ZZZ3: variants seen among roughly 807,000 people sequenced by gnomAD.
ZZZ3 encodes ZZ-type zinc finger-containing protein 3.
Under a neutral mutation model 95.2 loss-of-function variants are expected in ZZZ3, and 22 were observed. That is an observed-to-expected ratio of 0.23 (90% CI 0.17 to 0.33). The LOEUF is 0.33. Among genes scored for constraint, ZZZ3 ranks in the 10% least tolerant of loss-of-function variants. The probability of loss-of-function intolerance (pLI) is 1.00; values close to 1 mark genes in which losing one functional copy is unlikely to be tolerated. For synonymous variants in ZZZ3, 335 were observed against 358.9 expected (o/e 0.93, Z 0.75); for missense variants, 885 against 1,066.5 (o/e 0.83, Z 2.37).
At chr1:77,651,684 G>A (rs1249343708) in intron 1 of ZZZ3, among the ~76,000 whole-genome samples, 1 of 152,170 alleles carries the variant, frequency 6.6e-6, no homozygotes, top group Non-Finnish European at 1.5e-5. Flanking sequence ...CACACAATGT[G>A]AGACTATATT....
chr1:77,642,248 C>A (rs1039782291), intron 1 of ZZZ3, among the ~76,000 whole-genome samples: 13 of 152,126 alleles, frequency 8.5e-5, no homozygotes, highest in Non-Finnish European at 1.6e-4. Flanking sequence ...AGAAATAGAT[C>A]TACACACTTA....
chr1:77,630,779 T>C (rs915586736), intron 5 of ZZZ3, among the ~76,000 whole-genome samples: 7 of 152,138 alleles, frequency 4.6e-5, no homozygotes, highest in Admixed American at 3.3e-4. Flanking sequence ...AAATCTACAC[T>C]ATCTACAATG....
At chr1:77,576,035 G>T (rs188149808) in intron 12 of ZZZ3, 33 bp downstream of exon 12, 124 of 1,542,428 alleles carry the variant, frequency 8.0e-5, no homozygotes, top group Admixed American at 7.3e-4. Flanking sequence ...TCTATACCTT[G>T]ATGTATATAA....
chr1:77,629,433 C>T (rs1188632656), intron 5 of ZZZ3, among the ~76,000 whole-genome samples: 1 of 152,174 alleles, frequency 6.6e-6, no homozygotes, highest in Admixed American at 6.5e-5. Flanking sequence ...GCCTGGACAA[C>T]ATGGCGAACC....
At chr1:77,567,473 G>A (rs1233340960) in intron 13 of ZZZ3, among the ~76,000 whole-genome samples, 2 of 152,050 alleles carry the variant, frequency 1.3e-5, no homozygotes, top group African/African-American at 2.4e-5. Flanking sequence ...TTTCCAAAAC[G>A]TAAATGTCAT....
intron 5 of ZZZ3, 150 bp downstream of exon 5, chr1:77,631,700 G>C (rs1667827896): frequency 3.4e-6 from 2 of 592,644 alleles, no homozygotes; most frequent in Non-Finnish European, 2.8e-6. Flanking sequence ...TTTTTTTGGA[G>C]TTTTTCTAAG....
At chr1:77,617,729 A>C (rs1666448107) in intron 5 of ZZZ3, among the ~76,000 whole-genome samples, 1 of 151,238 alleles carries the variant, frequency 6.6e-6, no homozygotes, top group Admixed American at 6.6e-5. Flanking sequence ...ATTTGAGGTC[A>C]GGCATTGGAG....
chr1:77,668,038 A>G (rs1671406064), intron 1 of ZZZ3, among the ~76,000 whole-genome samples: 1 of 152,066 alleles, frequency 6.6e-6, no homozygotes, highest in African/African-American at 2.4e-5. Context: ...AAGTGCTGGG[A>G]TTACAGGTGT....
intron 1 of ZZZ3, chr1:77,645,727 T>C (rs1054544670): frequency 6.6e-6 from 1 of 152,058 alleles, no homozygotes; most frequent in Non-Finnish European, 1.5e-5. Context: ...ATGCAGCACT[T>C]TGGGAGGCTG....
At chr1:77,590,546 C>G (rs941674942) in intron 5 of ZZZ3, among the ~76,000 whole-genome samples, 2 of 152,202 alleles carry the variant, frequency 1.3e-5, no homozygotes, top group Non-Finnish European at 2.9e-5. Context: ...AAAATATTTA[C>G]TATCTGGTCC....
chr1:77,641,433 A>C lies in ZZZ3; in HGVS notation c.-255T>G, dbSNP rs1668768726. 2.5e-6 allele frequency: 1 copy of C among 396,134 alleles called. No homozygotes were observed. Among genetic ancestry groups the C allele is most frequent in the South Asian group, 1.3e-4 (1 of 7,552 alleles). 24.5% of individuals were successfully genotyped at this position (396,134 alleles called of 1,614,324 possible). A position where few individuals can be genotyped will look rare whatever the true frequency, so the allele number is the denominator to read the frequency against. On this transcript the variant is annotated 5_prime_UTR_variant, in exon 3 of 15. Coordinates refer to ENST00000370801, the MANE Select transcript of ZZZ3 (RefSeq NM_015534.6). ...TAGACAGGATCCTGCAGTGTTTCTTAAAAGCCTGATACACTGAAAAAGAAA... is the reference window on the plus strand; with the variant it reads ...TAGACAGGATCCTGCAGTGTTTCTTCAAAGCCTGATACACTGAAAAAGAAA...
intron 1 of ZZZ3, among the ~76,000 whole-genome samples, chr1:77,672,386 G>A (rs1199549787): frequency 6.6e-6 from 1 of 152,162 alleles, no homozygotes; most frequent in Non-Finnish European, 1.5e-5. Context: ...CCCAAGTGAT[G>A]CTCTGCTGCT....
intron 10 of ZZZ3, 32 bp from the exon 11 acceptor site, chr1:77,578,901 T>C (rs1464353995): frequency 4.3e-6 from 6 of 1,387,676 alleles, no homozygotes; most frequent in Non-Finnish European, 5.8e-6. Context: ...CTTAACACAA[T>C]GAGATGACAT....
At chr1:77,659,832 G>A (rs1349970456) in intron 1 of ZZZ3, among the ~76,000 whole-genome samples, 1 of 151,620 alleles carries the variant, frequency 6.6e-6, no homozygotes, top group Admixed American at 6.6e-5. Context: ...GGTTTTGTTT[G>A]TTTGTTTGTT....
chr1:77,576,077 T>G lies in ZZZ3; in HGVS notation c.2322A>C (p.Glu774Asp), dbSNP rs180908841. 1.0e-4 allele frequency: 162 copies of G among 1,606,478 alleles called. No homozygotes were observed. In the East Asian group the frequency reaches 3.6e-3, roughly 35 times the overall value. The change falls in exon 12 of 15, where the codon GAA becomes GAC. Residue 774 changes from glutamate to aspartate, a missense_variant. Glu to Asp is a conservative substitution (Grantham distance 45, BLOSUM62 2). Transcript: ENST00000370801. ...GATGTGTATAACTTACTGATGCATC[T>G]TCAACAGCAGTGTTCATGTGGCTAT... ...CFHSHMNTAV[E>D]DASDDESIPI...
intron 5 of ZZZ3, among the ~76,000 whole-genome samples, chr1:77,599,649 G>T (rs1664544496): frequency 6.6e-6 from 1 of 151,878 alleles, no homozygotes; most frequent in Non-Finnish European, 1.5e-5. Flanking sequence ...TTTAAATACA[G>T]CAGAACGAGT....
intron 3 of ZZZ3, 69 bp from the exon 4 acceptor site, chr1:77,639,671 T>A: frequency 2.6e-6 from 1 of 383,712 alleles, no homozygotes; most frequent in Non-Finnish European, 4.6e-6. Flanking sequence ...GATTTACTCC[T>A]TCTATAATAA....
At chr1:77,661,697 T>C (rs1296929958) in intron 1 of ZZZ3, among the ~76,000 whole-genome samples, 1 of 152,226 alleles carries the variant, frequency 6.6e-6, no homozygotes, top group Non-Finnish European at 1.5e-5. Context: ...TATCAGATTA[T>C]GGAATGTCTG....
chr1:77,565,440 A>C lies in ZZZ3; in HGVS notation c.*200T>G. On this transcript the variant is annotated 3_prime_UTR_variant, in exon 15 of 15. Coordinates refer to ENST00000370801, the MANE Select transcript of ZZZ3 (RefSeq NM_015534.6). ...AAATTCACCAGGGAAACCTTTGCTC[A>C]CCAGGAATGTTCAGCTGCTGAACAG... 2.1e-6 allele frequency: 1 copy of C among 486,774 alleles called. No homozygotes were observed. Among genetic ancestry groups the C allele is most frequent in the South Asian group, 4.2e-5 (1 of 24,032 alleles). The allele number at this position is 486,774 out of a possible 1,614,324, so 30.2% of individuals were successfully genotyped here. A position where few individuals can be genotyped will look rare whatever the true frequency, so the allele number is the denominator to read the frequency against.
Sources: allele counts gnomAD v4.1 joint callset (sites outside exome capture counted in the v4.1 genomes callset), GRCh38; gene constraint gnomAD v4.1.1; transcripts MANE v1.5; gene names NCBI Gene and HGNC (gene_info 2026-07-23, HGNC 2026-07-21).